The following ADSS1 variants were observed in gnomAD, a reference collection of about 807,000 sequenced individuals.
The protein encoded by ADSS1 is adenylosuccinate synthase 1.
ADSS1 carries 57 observed loss-of-function variants against 59.1 expected under a neutral mutation model. The ratio of observed to expected loss-of-function variants is 0.97; its 90% CI spans 0.78 to 1.20. ADSS1 has a LOEUF of 1.20. Among genes scored for constraint, ADSS1 ranks in the 50% most tolerant of loss-of-function variants. The pLI, the probability that ADSS1 is intolerant of heterozygous loss-of-function variation, is 0.00. For missense variants in ADSS1, 603 were observed against 610.3 expected (o/e 0.99, Z 0.13); for synonymous variants, 247 against 249.4 (o/e 0.99, Z 0.09).
chr14:104,743,387 C>A, intron 10 of ADSS1, 196 bp downstream of exon 10: 1 of 732,384 alleles, frequency 1.4e-6, no homozygotes, highest in Non-Finnish European at 2.1e-6. Flanking sequence ...TTGGAGCCAG[C>A]CGTAGGAGCA....
chr14:104,741,691 G>A (rs1891363293), intron 8 of ADSS1, among the ~76,000 whole-genome samples, 157 bp from the exon 9 acceptor site: 1 of 152,174 alleles, frequency 6.6e-6, no homozygotes, highest in Non-Finnish European at 1.5e-5. Context: ...GCACCCATTC[G>A]GCCACTCCAC....
intron 1 of ADSS1, among the ~76,000 whole-genome samples, chr14:104,730,986 T>G (rs1455326858): frequency 3.0e-3 from 221 of 74,600 alleles, no homozygotes; most frequent in Middle Eastern, 9.1e-3. Flanking sequence ...TCAGTGTCCG[T>G]GGGGGCTCAG....
At chr14:104,737,431 G>GTTGAATAATACTCCAC (rs1351666798) in intron 2 of ADSS1, 4 of 152,244 alleles carry the variant, frequency 2.6e-5, no homozygotes, top group Middle Eastern at 3.4e-3. Flanking sequence ...TCTTTTCAGT[G>GTTGAATAATACTCCAC]TTGAATAATA....
At chr14:104,728,638 G>A (rs1412313976) in intron 1 of ADSS1, among the ~76,000 whole-genome samples, 1 of 152,238 alleles carries the variant, frequency 6.6e-6, no homozygotes, top group Non-Finnish European at 1.5e-5. Flanking sequence ...GCCGGGCACA[G>A]TCGTCGTACA....
rs553607850 is a variant in ADSS1, at chr14:104,739,074, T to C, written c.359-254T>C. Among the ~76,000 whole-genome samples, 8 of 151,560 alleles carry C rather than the reference T, an allele frequency of 5.3e-5. No individual in the cohort carries two copies. In the South Asian group the frequency reaches 1.7e-3, roughly 32 times the overall value. On this transcript the variant is annotated intron_variant, in intron 3 of 12. Transcript: ENST00000330877. ...CCAGCTCTGGCTTCCCAGCCTGGAG[T>C]GGGCGAAGCCTGCAGGCACGAGAGT...
At position 104,735,099 on chromosome 14, in the gene ADSS1, A is replaced by G. The variant is rs1180672213; in HGVS notation, c.272A>G (p.Asn91Ser). 5 of 1,612,384 alleles carry G rather than the reference A, an allele frequency of 3.1e-6. No homozygotes were observed. In the South Asian group the frequency reaches 3.3e-5, roughly 11 times the overall value. Residue 91 changes from asparagine (N) to serine (S), a missense_variant, in exon 2 of 13, where the codon AAC (asparagine) becomes AGC (serine). Physicochemically the swap from Asn to Ser is conservative, Grantham distance 46. Transcript: ENST00000330877. ...DFHLLPSGII[N>S]TKAVSFIGNG... ...CACCTGCTGCCCAGCGGCATCATCAACACCAAGGCCGTGTCCTTCATTGGT... is the reference window on the plus strand; with the variant it reads ...CACCTGCTGCCCAGCGGCATCATCAGCACCAAGGCCGTGTCCTTCATTGGT...
chr14:104,736,619 G>A (rs1032981383), intron 2 of ADSS1, among the ~76,000 whole-genome samples: 1 of 152,204 alleles, frequency 6.6e-6, no homozygotes, highest in African/African-American at 2.4e-5. Flanking sequence ...GCGGGAACTG[G>A]CAAAGGGAAA....
chr14:104,739,817 G>A lies in ADSS1; in HGVS notation c.476+1G>A. ...AGCGCCAGGCACAAGAGGGGAAGAA[G>A]TAAGTCTGCCGGGACACTCTCACCC... On this transcript the variant is annotated splice_donor_variant, in intron 5 of 12. Transcript: ENST00000330877. LOFTEE classifies it high-confidence loss of function. The A allele has an allele frequency of 6.2e-7, 1 of 1,613,816 alleles. No individual in the cohort carries two copies. Among genetic ancestry groups the A allele is most frequent in the South Asian group, 1.1e-5 (1 of 91,078 alleles).
At chr14:104,735,164 G>C (rs377452057) in intron 2 of ADSS1, 42 bp downstream of exon 2, 1 of 1,540,124 alleles carries the variant, frequency 6.5e-7, no homozygotes, top group African/African-American at 1.4e-5. Flanking sequence ...AGGAAAGGGG[G>C]TGTCAGCCAG....
At chr14:104,739,475 C>G (rs1891251204) in intron 4 of ADSS1, 97 bp downstream of exon 4, 1 of 1,365,024 alleles carries the variant, frequency 7.3e-7, no homozygotes, top group South Asian at 1.2e-5. Flanking sequence ...AGGGAAGTCC[C>G]CAAGGCCTTC....
intron 5 of ADSS1, 139 bp downstream of exon 5, chr14:104,739,955 A>G (rs1221845324): frequency 2.1e-5 from 19 of 914,336 alleles, no homozygotes; most frequent in Non-Finnish European, 3.2e-5. Flanking sequence ...GGCACCGTCA[A>G]AATTCCACAG....
chr14:104,736,880 T>TTTATATATATATA (rs1329962546), intron 2 of ADSS1, among the ~76,000 whole-genome samples: 1 of 54,888 alleles, frequency 1.8e-5, no homozygotes, highest in African/African-American at 9.5e-5. Context: ...CGCACCTAGC[T>TTTATATATATATA]GATATATATA....
chr14:104,739,271 G>T, intron 3 of ADSS1, 57 bp from the exon 4 acceptor site: 1 of 1,559,460 alleles, frequency 6.4e-7, no homozygotes, highest in Non-Finnish European at 8.7e-7. Flanking sequence ...GGCCCCTCAC[G>T]TGTGAGCTGC....
chr14:104,724,484 C>CCCGG, intron 1 of ADSS1, 22 bp downstream of exon 1: 1 of 1,232,436 alleles, frequency 8.1e-7, no homozygotes, highest in Non-Finnish European at 1.0e-6. Context: ...GGCGCCGGGT[C>CCCGG]CCTCCCCCAC....
chr14:104,737,919 G>A lies in ADSS1; in HGVS notation c.296-457G>A, dbSNP rs1891188906. 3 of 168,740 alleles carry A rather than the reference G, an allele frequency of 1.8e-5. No homozygotes were observed. The Admixed American group carries it at 1.8e-4, about 10-fold the overall frequency. 10.5% of individuals were successfully genotyped at this position (168,740 alleles called of 1,614,324 possible). A position where few individuals can be genotyped will look rare whatever the true frequency, so the allele number is the denominator to read the frequency against. On this transcript the variant is annotated intron_variant, in intron 2 of 12. Transcript: ENST00000330877. ...CTGCTTACCCATTCATCTGTCAATG[G>A]ACAGCTCTTGGCTACTCTGAATAAT...
Position 104,739,830 on chromosome 14 carries a change from G to A in ADSS1, c.476+14G>A, listed in dbSNP as rs371322534. On this transcript the variant is annotated intron_variant, in intron 5 of 12. Transcript: ENST00000330877. Reference sequence around the variant, plus strand: ...AGAGGGGAAGAAGTAAGTCTGCCGGGACACTCTCACCCTCGGGGAGTCTTC... The same window carrying A: ...AGAGGGGAAGAAGTAAGTCTGCCGGAACACTCTCACCCTCGGGGAGTCTTC... The A allele has an allele frequency of 9.3e-5, 150 of 1,613,528 alleles. No individual in the cohort carries two copies. Among genetic ancestry groups the A allele is most frequent in the Non-Finnish European group, 1.2e-4 (144 of 1,179,958 alleles).
Position 104,743,082 on chromosome 14 carries a change from C to T in ADSS1, c.964C>T (p.Leu322=). The T allele has an allele frequency of 6.2e-7, 1 of 1,613,104 alleles. No individual in the cohort carries two copies. The highest frequency in any genetic ancestry group is 1.1e-5 in the South Asian group (1 of 91,084). The change falls in exon 10 of 13, where the codon CTG becomes TTG. Residue 322 remains leucine (L), a synonymous_variant. Transcript: ENST00000330877. ...TEQINEIGGL[L]QTRGHEWGVT... is the part of the protein sequence containing the mutation. ...TCTCATGTAGGAGATTGGAGGCCTG[C>T]TGCAGACCCGCGGCCACGAGTGGGG... is the stretch of plus-strand genomic sequence containing the variant.
Position 104,741,216 on chromosome 14 carries a change from A to G in ADSS1, c.766A>G (p.Asn256Asp). 6.2e-7 allele frequency: 1 copy of G among 1,605,754 alleles called. No individual in the cohort carries two copies. The highest frequency in any genetic ancestry group is 8.5e-7 in the Non-Finnish European group (1 of 1,176,632). ...PPKKILVEGA[N>D]AALLDIDFGT... The stretch of plus-strand genomic sequence containing the variant: ...CAAGAAGATCCTGGTGGAGGGTGCC[A>G]ACGCCGCCCTCCTCGACATTGACTT... The change falls in exon 8 of 13, where the codon AAC becomes GAC. Residue 256 changes from asparagine to aspartate, a missense_variant. Transcript: ENST00000330877.
chr14:104,736,091 G>A (rs966958741), intron 2 of ADSS1, among the ~76,000 whole-genome samples: 1 of 152,214 alleles, frequency 6.6e-6, no homozygotes, highest in Non-Finnish European at 1.5e-5. Context: ...GCTGCCGCAG[G>A]GGCCATGTGT....
Sources: allele counts gnomAD v4.1 joint callset (sites outside exome capture counted in the v4.1 genomes callset), GRCh38; gene constraint gnomAD v4.1.1; transcripts MANE v1.5; gene names NCBI Gene and HGNC (gene_info 2026-07-23, HGNC 2026-07-21).